The following MCTP1 variants were observed in gnomAD, a reference collection of about 807,000 sequenced individuals.
MCTP1 encodes multiple C2 and transmembrane domain-containing protein 1.
In MCTP1, 69 loss-of-function variants were observed where a neutral mutation model predicts 120.6. The observed-to-expected ratio is 0.57, with a 90% CI of 0.47 to 0.70. The LOEUF is 0.70. Among genes scored for constraint, MCTP1 ranks in the 30% least tolerant of loss-of-function variants. MCTP1 has a pLI of 0.00. For synonymous variants in MCTP1, 529 were observed against 493.1 expected (o/e 1.07, Z -0.96); for missense variants, 1,203 against 1,248.8 (o/e 0.96, Z 0.55).
intron 2 of MCTP1, among the ~76,000 whole-genome samples, chr5:94,998,030 C>T (rs1832943734): frequency 6.6e-6 from 1 of 151,994 alleles, no homozygotes; most frequent in Non-Finnish European, 1.5e-5. Context: ...GGAGTTTGTT[C>T]TCAATGCAAG....
chr5:95,134,758 C>A (rs2152428408), intron 1 of MCTP1, among the ~76,000 whole-genome samples: 1 of 152,174 alleles, frequency 6.6e-6, no homozygotes, highest in South Asian at 2.1e-4. Flanking sequence ...AGCTCAGAGT[C>A]AGAGTGGGAC....
At chr5:94,720,184 GA>G (rs1229550446) in intron 19 of MCTP1, among the ~76,000 whole-genome samples, 2 of 151,514 alleles carry the variant, frequency 1.3e-5, no homozygotes, top group East Asian at 3.9e-4. Flanking sequence ...AAGCAAAAAT[GA>G]ATTATAAAAA....
chr5:94,821,296 G>A (rs1410089678), intron 17 of MCTP1, among the ~76,000 whole-genome samples: 1 of 152,212 alleles, frequency 6.6e-6, no homozygotes, highest in African/African-American at 2.4e-5. Flanking sequence ...ACTGGAAATA[G>A]TTGGGCTTAC....
At chr5:94,926,187 T>A (rs1021843332) in intron 6 of MCTP1, among the ~76,000 whole-genome samples, 7 of 152,194 alleles carry the variant, frequency 4.6e-5, no homozygotes, top group South Asian at 2.1e-4. Context: ...ATTTTAAAAT[T>A]AGTCGTAATG....
At chr5:95,079,975 G>A (rs1754510342) in intron 1 of MCTP1, among the ~76,000 whole-genome samples, 1 of 152,114 alleles carries the variant, frequency 6.6e-6, no homozygotes, top group Non-Finnish European at 1.5e-5. Context: ...CTAAAAAAGA[G>A]TACAGTTATA....
intron 1 of MCTP1, among the ~76,000 whole-genome samples, chr5:95,264,285 C>A (rs1758707995): frequency 6.6e-6 from 1 of 152,170 alleles, no homozygotes; most frequent in Admixed American, 6.5e-5. Flanking sequence ...TGTACCATAG[C>A]TAACTTTAAA....
chr5:94,757,793 G>A (rs571959072), intron 19 of MCTP1, among the ~76,000 whole-genome samples: 9 of 152,184 alleles, frequency 5.9e-5, no homozygotes, highest in Non-Finnish European at 1.0e-4. Flanking sequence ...CTCCACGGAG[G>A]AGATAGTTAG....
chr5:95,135,880 G>T (rs1314657946), intron 1 of MCTP1, among the ~76,000 whole-genome samples: 1 of 152,150 alleles, frequency 6.6e-6, no homozygotes, highest in Non-Finnish European at 1.5e-5. Flanking sequence ...AACAACTACA[G>T]TAAAAACTGG....
chr5:95,043,359 C>T (rs557695390), intron 1 of MCTP1, among the ~76,000 whole-genome samples: 3 of 152,290 alleles, frequency 2.0e-5, no homozygotes, highest in African/African-American at 7.2e-5. Context: ...TTAACCCTTA[C>T]TAAGCAGTAC....
intron 1 of MCTP1, among the ~76,000 whole-genome samples, chr5:95,145,344 G>T (rs1003400970): frequency 6.6e-6 from 1 of 151,932 alleles, no homozygotes; most frequent in Non-Finnish European, 1.5e-5. Context: ...TTCAGCAGAG[G>T]GAGATACTTT....
At chr5:95,280,215 A>T (rs538702117) in intron 1 of MCTP1, among the ~76,000 whole-genome samples, 1 of 152,250 alleles carries the variant, frequency 6.6e-6, no homozygotes, top group Non-Finnish European at 1.5e-5. Context: ...CAGGGCTTAC[A>T]GATATGTTGT....
intron 19 of MCTP1, 60 bp downstream of exon 19, chr5:94,779,050 A>C: frequency 7.0e-7 from 1 of 1,438,518 alleles, no homozygotes; most frequent in Non-Finnish European, 9.8e-7. Flanking sequence ...GTCTGTGAAA[A>C]CAGTGTCATG....
At chr5:94,947,244 G>T (rs1819176598) in intron 3 of MCTP1, among the ~76,000 whole-genome samples, 1 of 151,932 alleles carries the variant, frequency 6.6e-6, no homozygotes, top group Admixed American at 6.6e-5. Context: ...ATTTTTCCCA[G>T]CCCCAGTATT....
intron 1 of MCTP1, among the ~76,000 whole-genome samples, chr5:95,190,349 C>T (rs138151893): frequency 1.5e-4 from 23 of 152,118 alleles, no homozygotes; most frequent in African/African-American, 5.5e-4. Context: ...GGAAAAGATG[C>T]CTGAGATGCT....
At chr5:94,746,061 A>G (rs1766824669) in intron 19 of MCTP1, among the ~76,000 whole-genome samples, 1 of 152,244 alleles carries the variant, frequency 6.6e-6, no homozygotes, top group South Asian at 2.1e-4. Context: ...AAACTTTCCC[A>G]GAAACCCCCG....
chr5:95,063,178 C>T lies in MCTP1; in HGVS notation c.721-45694G>A, dbSNP rs139790624. ...TAATTTTTAAAACAAATTTCCCCAACACTGATAGAGAAATTAGCTCTCCTA... is the reference window on the plus strand; with the variant it reads ...TAATTTTTAAAACAAATTTCCCCAATACTGATAGAGAAATTAGCTCTCCTA... On this transcript the variant is annotated intron_variant, in intron 1 of 22. Transcript: ENST00000515393. Among the ~76,000 whole-genome samples, 76 of 152,274 alleles carry T rather than the reference C, an allele frequency of 5.0e-4. 2 individuals carry two copies. The Middle Eastern group carries it at 0.014, about 27-fold the overall frequency.
intron 2 of MCTP1, among the ~76,000 whole-genome samples, chr5:94,964,400 C>T (rs1825099107): frequency 6.6e-6 from 1 of 151,980 alleles, no homozygotes; most frequent in Non-Finnish European, 1.5e-5. Context: ...TTGATGTTTC[C>T]TTATTGATTT....
rs1427717525 is a variant in MCTP1, at chr5:94,871,363, C to T, written c.2091G>A (p.Arg697=). 8 of 1,612,570 alleles carry T rather than the reference C, an allele frequency of 5.0e-6. No individual in the cohort carries two copies. Among genetic ancestry groups the T allele is most frequent in the South Asian group, 2.2e-5 (2 of 91,056 alleles). The change falls in exon 14 of 23, where the codon CGG becomes CGA. Residue 697 remains arginine, a synonymous_variant. Coordinates refer to ENST00000515393, the MANE Select transcript of MCTP1 (RefSeq NM_024717.7). ...VLEVTVYDED[R]DRSADFLGKV... ...TGCCCAGAAAGTCAGCACTTCGATC[C>T]CGATCTTCATCATAAACTGTCACTT...
intron 1 of MCTP1, among the ~76,000 whole-genome samples, chr5:95,144,496 AGAG>A (rs1390945903): frequency 6.6e-6 from 1 of 152,014 alleles, no homozygotes; most frequent in African/African-American, 2.4e-5. Flanking sequence ...AGTGTTAAGA[AGAG>A]TATTTTCGGC....
Sources: gnomAD v4.1 joint callset for allele counts (sites outside exome capture counted in the v4.1 genomes callset) on GRCh38, gnomAD v4.1.1 for gene constraint, MANE v1.5 for transcripts, NCBI Gene and HGNC (gene_info 2026-07-23, HGNC 2026-07-21) for gene names.